Variants in SLC14A2 observed in about 807,000 individuals in gnomAD.
SLC14A2 encodes the protein solute carrier family 14 member 2, also known as urea transporter 2.
SLC14A2 carries 91 observed loss-of-function variants against 104.6 expected under a neutral mutation model. The ratio of observed to expected loss-of-function variants is 0.87; its 90% CI spans 0.73 to 1.04. The LOEUF (loss-of-function observed/expected upper bound fraction) is 1.04, where lower values mean the gene tolerates loss of function less well. SLC14A2 is among the 50% of genes least tolerant of loss of function. The pLI, the probability that SLC14A2 is intolerant of heterozygous loss-of-function variation, is 0.00. For missense variants in SLC14A2, 1,189 were observed against 1,156.0 expected, an observed-to-expected ratio of 1.03 and a Z score of -0.41; for synonymous variants, 476 against 466.4, an observed-to-expected ratio of 1.02 and a Z score of -0.27.
intron 2 of SLC14A2, among the ~76,000 whole-genome samples, chr18:45,589,410 C>G (rs576622710): frequency 8.6e-4 from 131 of 152,270 alleles, no homozygotes; most frequent in Non-Finnish European, 1.1e-3. Flanking sequence ...TTGTTTTCAA[C>G]ATGGTGAGGG....
chr18:45,324,579 A>T (rs529589342), intron 1 of SLC14A2, among the ~76,000 whole-genome samples: 3 of 151,448 alleles, frequency 2.0e-5, no homozygotes, highest in African/African-American at 7.3e-5. Context: ...CTGTTACCCT[A>T]TCCCAAGGAA....
At chr18:45,669,558 C>A in intron 16 of SLC14A2, 60 bp downstream of exon 16, 2 of 1,392,748 alleles carry the variant, frequency 1.4e-6, no homozygotes, top group Non-Finnish European at 2.0e-6. Context: ...CTGGCATTTG[C>A]ATATTTTGCA....
At chr18:45,359,850 G>A (rs945688141) in intron 1 of SLC14A2, among the ~76,000 whole-genome samples, 1 of 152,224 alleles carries the variant, frequency 6.6e-6, no homozygotes, top group African/African-American at 2.4e-5. Flanking sequence ...CTGATGAAAT[G>A]ATAGGGGCTC....
intron 1 of SLC14A2, among the ~76,000 whole-genome samples, chr18:45,351,302 A>C (rs1261267352): frequency 6.6e-6 from 1 of 151,980 alleles, no homozygotes; most frequent in Non-Finnish European, 1.5e-5. Context: ...CAACCCAAAT[A>C]GCCTCATTTT....
chr18:45,380,343 C>G lies in SLC14A2; in HGVS notation c.-124-102890C>G, dbSNP rs572787785. On this transcript the variant is annotated intron_variant, in intron 1 of 20. Coordinates refer to the SLC14A2 transcript ENST00000586448. The stretch of plus-strand genomic sequence containing the variant: ...CAGGTGGGTTTATTACTCTTTGTAG[C>G]AATAGAGAGCACACACCATGAGAAA... Among the ~76,000 whole-genome samples the G allele has an allele frequency of 1.1e-4, 17 of 152,162 alleles. No individual in the cohort carries two copies. The South Asian group carries it at 2.5e-3, about 22-fold the overall frequency.
chr18:45,560,662 G>T (rs549133796), intron 2 of SLC14A2, among the ~76,000 whole-genome samples: 1 of 152,198 alleles, frequency 6.6e-6, no homozygotes, highest in Non-Finnish European at 1.5e-5. Flanking sequence ...AAGCCATAAA[G>T]TTTAAAGCAA....
intron 1 of SLC14A2, among the ~76,000 whole-genome samples, chr18:45,411,713 T>A (rs558565005): frequency 2.6e-5 from 4 of 152,184 alleles, no homozygotes; most frequent in African/African-American, 9.6e-5. Context: ...TGAGGACCAC[T>A]CAGCCAGGGA....
chr18:45,168,701 CTT>C, the SLC14A2 span: 1 of 151,888 alleles, frequency 6.6e-6, no homozygotes, highest in South Asian at 2.1e-4. Context: ...CATGAGAAAT[CTT>C]TCTCTTTTGA....
At chr18:45,551,420 C>T (rs1224946144) in intron 2 of SLC14A2, among the ~76,000 whole-genome samples, 1 of 152,208 alleles carries the variant, frequency 6.6e-6, no homozygotes, top group Admixed American at 6.5e-5. Flanking sequence ...AGACTGGGGG[C>T]CAAGGGCTTG....
intron 1 of SLC14A2, among the ~76,000 whole-genome samples, chr18:45,285,433 T>G (rs564067101): frequency 1.3e-5 from 2 of 152,268 alleles, no homozygotes; most frequent in African/African-American, 2.4e-5. Flanking sequence ...TAAATTTTTT[T>G]TTTGAGACGG....
intron 2 of SLC14A2, among the ~76,000 whole-genome samples, chr18:45,510,107 C>T (rs750587068): frequency 6.6e-6 from 1 of 152,214 alleles, no homozygotes; most frequent in Non-Finnish European, 1.5e-5. Flanking sequence ...AAGTGAGACA[C>T]TTAACCTCTT....
At chr18:45,460,298 T>A (rs2087021073) in intron 1 of SLC14A2, among the ~76,000 whole-genome samples, 2 of 152,246 alleles carry the variant, frequency 1.3e-5, no homozygotes, top group South Asian at 4.1e-4. Flanking sequence ...ACACACTGAC[T>A]CTTCACCCAA....
At chr18:45,374,242 T>C (rs544813099) in intron 1 of SLC14A2, among the ~76,000 whole-genome samples, 1 of 152,236 alleles carries the variant, frequency 6.6e-6, no homozygotes, top group Non-Finnish European at 1.5e-5. Flanking sequence ...GTCACCCTTG[T>C]GCAGTTTGCA....
At chr18:45,669,179 C>A in intron 15 of SLC14A2, 127 bp from the exon 16 acceptor site, 1 of 750,488 alleles carries the variant, frequency 1.3e-6, no homozygotes, top group Non-Finnish European at 2.2e-6. Flanking sequence ...CAGGGCCAGT[C>A]AGGCTCCAGA....
At chr18:45,625,915 C>A in intron 3 of SLC14A2, 52 bp downstream of exon 3, 1 of 1,296,894 alleles carries the variant, frequency 7.7e-7, no homozygotes, top group South Asian at 2.1e-5. Flanking sequence ...GCCAGAGAGA[C>A]AACCCTCTCT....
intron 2 of SLC14A2, among the ~76,000 whole-genome samples, chr18:45,526,040 C>T (rs138981926): frequency 1.9e-3 from 286 of 152,280 alleles, no homozygotes; most frequent in African/African-American, 5.6e-3. Context: ...CATCATTTTA[C>T]TTGGTTAAAT....
At chr18:45,388,192 C>T (rs1056159589) in intron 1 of SLC14A2, among the ~76,000 whole-genome samples, 1 of 150,390 alleles carries the variant, frequency 6.6e-6, no homozygotes, top group African/African-American at 2.5e-5. Context: ...TCTCCTGCCT[C>T]AGCCTCCCTA....
intron 1 of SLC14A2, among the ~76,000 whole-genome samples, chr18:45,283,789 C>T (rs1313065138): frequency 6.6e-6 from 1 of 152,002 alleles, no homozygotes; most frequent in African/African-American, 2.4e-5. Context: ...TGTCTTACCT[C>T]GAGGGTCTTA....
At chr18:45,188,304 G>A in the SLC14A2 span, among the ~76,000 whole-genome samples, 1 of 152,138 alleles carries the variant, frequency 6.6e-6, no homozygotes, top group Non-Finnish European at 1.5e-5. Context: ...TCTCAGGTAA[G>A]AATTTATAGA....
Sources: allele counts gnomAD v4.1 joint callset (sites outside exome capture counted in the v4.1 genomes callset), GRCh38; gene constraint gnomAD v4.1.1; transcripts MANE v1.5; gene names NCBI Gene and HGNC (gene_info 2026-07-23, HGNC 2026-07-21).